DYM: variants seen among roughly 807,000 people sequenced by gnomAD.
DYM encodes dymeclin.
Under a neutral mutation model 93.1 loss-of-function variants are expected in DYM, and 78 were observed. That is an observed-to-expected ratio of 0.84 (90% confidence interval 0.70 to 1.01). The LOEUF is 1.01. Among genes scored for constraint, DYM ranks in the 50% least tolerant of loss-of-function variants. The pLI is 0.00. For synonymous variants in DYM, 321 were observed against 319.7 expected, an observed-to-expected ratio of 1.00 and a Z score of -0.04; for missense variants, 789 against 845.0, an observed-to-expected ratio of 0.93 and a Z score of 0.82.
chr18:49,406,346 G>A (rs769849792), intron 2 of DYM, among the ~76,000 whole-genome samples: 2 of 149,646 alleles, frequency 1.3e-5, no homozygotes, highest in Non-Finnish European at 3.0e-5. Flanking sequence ...GATCACCTGA[G>A]GCAGGATTTT....
At chr18:49,418,531 T>C (rs1320282960) in intron 2 of DYM, among the ~76,000 whole-genome samples, 1 of 152,200 alleles carries the variant, frequency 6.6e-6, no homozygotes, top group Non-Finnish European at 1.5e-5. Context: ...ATTACTCTGA[T>C]GCTAAAAACA....
intron 10 of DYM, among the ~76,000 whole-genome samples, chr18:49,273,680 G>C (rs1258362151): frequency 6.6e-6 from 1 of 152,122 alleles, no homozygotes; most frequent in Non-Finnish European, 1.5e-5. Flanking sequence ...ATAAAGCTTA[G>C]GTGTGTAGTT....
chr18:49,274,694 T>C (rs2094805352), intron 10 of DYM, among the ~76,000 whole-genome samples: 1 of 152,202 alleles, frequency 6.6e-6, no homozygotes, highest in Admixed American at 6.6e-5. Flanking sequence ...AAGTGGTATT[T>C]CGCTGTGATT....
At chr18:49,333,173 A>C (rs908941574) in intron 7 of DYM, among the ~76,000 whole-genome samples, 1 of 152,348 alleles carries the variant, frequency 6.6e-6, no homozygotes, top group Non-Finnish European at 1.5e-5. Context: ...GTATGTGCAT[A>C]TGTGTTGGTC....
At chr18:49,285,702 GCCTAATGGAACACAGC>G (rs534933158) in intron 9 of DYM, among the ~76,000 whole-genome samples, 126 of 152,328 alleles carry the variant, frequency 8.3e-4, no homozygotes, top group African/African-American at 2.7e-3. Flanking sequence ...CGACAAAATT[GCCTAATGGAACACAGC>G]CCTGCTGTTG....
chr18:49,104,382 T>C (rs372435772), intron 16 of DYM, among the ~76,000 whole-genome samples: 27 of 152,220 alleles, frequency 1.8e-4, no homozygotes, highest in South Asian at 2.1e-4. Context: ...ACTTCCTCTT[T>C]TCCTAATTGA....
chr18:49,177,798 T>G (rs1287653248), intron 14 of DYM, among the ~76,000 whole-genome samples: 6 of 152,142 alleles, frequency 3.9e-5, no homozygotes, highest in African/African-American at 1.4e-4. Flanking sequence ...TCCTCTTTTC[T>G]TCTTTTAACA....
intron 17 of DYM, among the ~76,000 whole-genome samples, chr18:49,053,504 G>C (rs116074790): frequency 0.016 from 2,469 of 152,256 alleles, 65 homozygotes; most frequent in African/African-American, 0.054. Context: ...CCTCTGAATA[G>C]ACAAGGAAAT....
chr18:49,265,778 CAA>C (rs202068472), intron 11 of DYM, among the ~76,000 whole-genome samples: 15 of 53,140 alleles, frequency 2.8e-4, no homozygotes, highest in African/African-American at 3.3e-4. Flanking sequence ...AACTCCATCT[CAA>C]AAAAAAAAAA....
intron 11 of DYM, among the ~76,000 whole-genome samples, chr18:49,268,820 GAA>G (rs1366156904): frequency 1.5e-5 from 2 of 129,038 alleles, no homozygotes; most frequent in Admixed American, 8.0e-5. Context: ...CTTATTAAAA[GAA>G]AAGTCATGTT....
At chr18:49,451,844 T>C (rs1433245833) in intron 1 of DYM, among the ~76,000 whole-genome samples, 2 of 152,232 alleles carry the variant, frequency 1.3e-5, no homozygotes, top group Non-Finnish European at 2.9e-5. Context: ...GTTTTTAAGT[T>C]GTGTGCCTAC....
At chr18:49,346,693 T>A (rs1353947280) in intron 6 of DYM, among the ~76,000 whole-genome samples, 1 of 152,190 alleles carries the variant, frequency 6.6e-6, no homozygotes, top group Non-Finnish European at 1.5e-5. Flanking sequence ...GAAAGTTCTA[T>A]ATAGTGTACA....
At chr18:49,361,195 G>A (rs1394579700) in intron 6 of DYM, among the ~76,000 whole-genome samples, 1 of 152,196 alleles carries the variant, frequency 6.6e-6, no homozygotes, top group African/African-American at 2.4e-5. Flanking sequence ...GGTTGAATGG[G>A]AAATTGTCCC....
At chr18:49,218,428 G>C (rs1307420140) in intron 13 of DYM, among the ~76,000 whole-genome samples, 22 of 152,054 alleles carry the variant, frequency 1.4e-4, no homozygotes, top group African/African-American at 1.9e-4. Flanking sequence ...ACAGAACTCT[G>C]CACCCCAAAT....
chr18:49,149,314 C>A (rs1183650933), intron 15 of DYM, among the ~76,000 whole-genome samples: 1 of 152,050 alleles, frequency 6.6e-6, no homozygotes, highest in Non-Finnish European at 1.5e-5. Flanking sequence ...CCATACTGGT[C>A]CATGAGAACA....
intron 6 of DYM, 77 bp downstream of exon 6, chr18:49,363,084 A>G: frequency 8.1e-7 from 1 of 1,232,288 alleles, no homozygotes; most frequent in Non-Finnish European, 1.2e-6. Context: ...AAGGACCCAC[A>G]AACTTCTCAA....
At chr18:49,130,215 A>G (rs2083256852) in intron 15 of DYM, among the ~76,000 whole-genome samples, 1 of 152,188 alleles carries the variant, frequency 6.6e-6, no homozygotes, top group Non-Finnish European at 1.5e-5. Flanking sequence ...GGAGTAGTAA[A>G]GAAACACTGA....
At position 49,070,367 on chromosome 18, in the gene DYM, T is replaced by A. The variant is rs540230948; in HGVS notation, c.2026-26163A>T. On this transcript the variant is annotated intron_variant, in intron 17 of 17. Transcript: ENST00000675505. ...CTTGAGGTGAGAAACTGATGCACAG[T>A]GAAGGTGAAATAACTTGCCCCAGAC... 4.6e-5 allele frequency among the ~76,000 whole-genome samples: 7 copies of A among 152,252 alleles called. No individual in the cohort carries two copies. The South Asian group carries it at 1.5e-3, about 32-fold the overall frequency.
At chr18:49,242,084 C>G (rs747282669) in intron 13 of DYM, among the ~76,000 whole-genome samples, 1 of 152,174 alleles carries the variant, frequency 6.6e-6, no homozygotes, top group African/African-American at 2.4e-5. Flanking sequence ...CCCACCCCAC[C>G]ATTCCACTGT....
Sources: gnomAD v4.1 joint callset for allele counts (sites outside exome capture counted in the v4.1 genomes callset) on GRCh38, gnomAD v4.1.1 for gene constraint, MANE v1.5 for transcripts, NCBI Gene and HGNC (gene_info 2026-07-23, HGNC 2026-07-21) for gene names.